The following HECW2 variants were observed in gnomAD, a reference collection of about 807,000 sequenced individuals.
HECW2 encodes the protein HECT, C2 and WW domain containing E3 ubiquitin protein ligase 2, also known as E3 ubiquitin-protein ligase HECW2.
HECW2 carries 61 observed loss-of-function variants against 175.2 expected under a neutral mutation model. That is an observed-to-expected ratio of 0.35 (90% confidence interval 0.28 to 0.43). HECW2 has a LOEUF of 0.43. Ranked by LOEUF, HECW2 falls within the 20% of genes least tolerant of loss-of-function variation. The pLI is 1.00. For missense variants in HECW2, 1,524 were observed against 2,000.5 expected (o/e 0.76, Z 4.54); for synonymous variants, 671 against 731.0 (o/e 0.92, Z 1.32).
At chr2:196,584,672 T>G (rs1244285559) in intron 1 of HECW2, among the ~76,000 whole-genome samples, 2 of 152,140 alleles carry the variant, frequency 1.3e-5, no homozygotes. Context: ...ACTGTTCTCA[T>G]AGGGCTATTT....
chr2:196,515,135 A>C (rs1485698556), intron 1 of HECW2, among the ~76,000 whole-genome samples: 3 of 152,308 alleles, frequency 2.0e-5, no homozygotes, highest in South Asian at 2.1e-4. Flanking sequence ...TGTGCAGTAC[A>C]TCTGGCCCAG....
At chr2:196,278,133 A>ATATATATATATATATATATAGATATATAT (rs1553489735) in intron 15 of HECW2, among the ~76,000 whole-genome samples, 2 of 66,552 alleles carry the variant, frequency 3.0e-5, no homozygotes, top group Non-Finnish European at 6.6e-5. Context: ...ATAATTAAAA[A>ATATATATATATATATATATAGATATATAT]ATATATATAT....
intron 1 of HECW2, among the ~76,000 whole-genome samples, chr2:196,579,731 A>G (rs1690700150): frequency 6.6e-6 from 1 of 152,154 alleles, no homozygotes; most frequent in Non-Finnish European, 1.5e-5. Flanking sequence ...ACCTTAATCT[A>G]ATCTGACAGG....
At chr2:196,462,166 G>T (rs1177784367) in intron 1 of HECW2, among the ~76,000 whole-genome samples, 1 of 151,862 alleles carries the variant, frequency 6.6e-6, no homozygotes, top group Non-Finnish European at 1.5e-5. Context: ...AAGGCAAAAA[G>T]TTATAATAAT....
At chr2:196,393,698 T>G (rs1694579172) in intron 2 of HECW2, among the ~76,000 whole-genome samples, 2 of 152,236 alleles carry the variant, frequency 1.3e-5, no homozygotes, top group African/African-American at 4.8e-5. Context: ...ACTTTTACAC[T>G]GTTGGTGGGA....
At chr2:196,490,952 G>A (rs1687165377) in intron 1 of HECW2, among the ~76,000 whole-genome samples, 1 of 152,072 alleles carries the variant, frequency 6.6e-6, no homozygotes, top group African/African-American at 2.4e-5. Flanking sequence ...TGGGACTGGG[G>A]GTGGGAAAAT....
intron 15 of HECW2, among the ~76,000 whole-genome samples, 180 bp downstream of exon 15, chr2:196,278,348 T>C (rs1690055880): frequency 6.7e-6 from 1 of 149,092 alleles, no homozygotes. Flanking sequence ...ATTTGTGATT[T>C]AGGCTGTATG....
intron 1 of HECW2, among the ~76,000 whole-genome samples, chr2:196,523,812 C>T (rs1688517278): frequency 6.6e-6 from 1 of 151,420 alleles, no homozygotes. Flanking sequence ...AGCCTTGCAT[C>T]CCAGGGATGA....
At chr2:196,241,858 T>A (rs752583268) in intron 20 of HECW2, among the ~76,000 whole-genome samples, 1 of 152,234 alleles carries the variant, frequency 6.6e-6, no homozygotes, top group Non-Finnish European at 1.5e-5. Context: ...TATTTTTGCA[T>A]GAAAAGTGGC....
At chr2:196,321,645 C>T (rs926884077) in intron 7 of HECW2, among the ~76,000 whole-genome samples, 3 of 152,176 alleles carry the variant, frequency 2.0e-5, no homozygotes, top group African/African-American at 7.2e-5. Context: ...GGTGATCTGC[C>T]CACCTCGTCC....
chr2:196,457,614 C>T (rs1696563188), intron 1 of HECW2, among the ~76,000 whole-genome samples: 1 of 152,158 alleles, frequency 6.6e-6, no homozygotes, highest in Non-Finnish European at 1.5e-5. Context: ...CTATTCCTTA[C>T]TACTACTGTG....
chr2:196,576,267 A>C (rs1179344202), intron 1 of HECW2, among the ~76,000 whole-genome samples: 2 of 152,172 alleles, frequency 1.3e-5, no homozygotes, highest in African/African-American at 4.8e-5. Context: ...GTGTACATAC[A>C]TACTTTGATG....
chr2:196,555,669 C>T (rs534839771), intron 1 of HECW2, among the ~76,000 whole-genome samples: 1 of 152,050 alleles, frequency 6.6e-6, no homozygotes, highest in East Asian at 1.9e-4. Flanking sequence ...ATTTGTAGGC[C>T]CCATAAAAAC....
chr2:196,294,928 A>G lies in HECW2; in HGVS notation c.2815-2178T>C, dbSNP rs573268647. Among the ~76,000 whole-genome samples the G allele has an allele frequency of 4.6e-5, 7 of 152,284 alleles. No individual in the cohort carries two copies. In the South Asian group the frequency reaches 1.5e-3, roughly 32 times the overall value. ...TGAGATTTGTTGGTCATTATTATTG[A>G]AGTATAACCTAAATTATTCTGATTG... is the stretch of plus-strand genomic sequence containing the variant. On this transcript the variant is annotated intron_variant, in intron 13 of 28. Coordinates refer to ENST00000644978, the MANE Select transcript of HECW2 (RefSeq NM_001348768.2).
chr2:196,453,903 C>T (rs1696422604), intron 1 of HECW2, among the ~76,000 whole-genome samples: 1 of 152,168 alleles, frequency 6.6e-6, no homozygotes, highest in Non-Finnish European at 1.5e-5. Flanking sequence ...AAGACTGCCT[C>T]ACATTCAGAA....
intron 1 of HECW2, among the ~76,000 whole-genome samples, chr2:196,443,893 G>T (rs1696108655): frequency 6.6e-6 from 1 of 152,112 alleles, no homozygotes; most frequent in African/African-American, 2.4e-5. Context: ...AAATTAGCTG[G>T]GCATGGTGGC....
chr2:196,461,628 C>A (rs1026633226), intron 1 of HECW2, among the ~76,000 whole-genome samples: 1 of 152,032 alleles, frequency 6.6e-6, no homozygotes, highest in South Asian at 2.1e-4. Context: ...TTCAGTATGG[C>A]GGGGGAGGCC....
intron 4 of HECW2, among the ~76,000 whole-genome samples, chr2:196,331,833 C>T (rs901941407): frequency 6.6e-6 from 1 of 152,098 alleles, no homozygotes; most frequent in African/African-American, 2.4e-5. Context: ...CCACTAGATA[C>T]AGGGATATTA....
chr2:196,237,642 C>T (rs1044869552), intron 21 of HECW2, among the ~76,000 whole-genome samples: 22 of 152,252 alleles, frequency 1.4e-4, no homozygotes, highest in African/African-American at 5.3e-4. Context: ...TATTTTTCTA[C>T]TTTTCTATTC....
Sources: gnomAD v4.1 joint callset for allele counts (sites outside exome capture counted in the v4.1 genomes callset) on GRCh38, gnomAD v4.1.1 for gene constraint, MANE v1.5 for transcripts, NCBI Gene and HGNC (gene_info 2026-07-23, HGNC 2026-07-21) for gene names.